The following GALNTL6 variants were observed in gnomAD, a reference collection of about 807,000 sequenced individuals.
GALNTL6 encodes polypeptide N-acetylgalactosaminyltransferase-like 6.
In GALNTL6, 46 loss-of-function variants were observed where a neutral mutation model predicts 73.7. The ratio of observed to expected loss-of-function variants is 0.62; its 90% CI spans 0.49 to 0.80. The LOEUF (loss-of-function observed/expected upper bound fraction) is 0.80, where lower values mean the gene tolerates loss of function less well. Ranked by LOEUF, GALNTL6 falls within the 30% of genes least tolerant of loss-of-function variation. The pLI is 0.00. For missense variants in GALNTL6, 604 were observed against 755.0 expected, an observed-to-expected ratio of 0.80 and a Z score of 2.34; for synonymous variants, 259 against 263.7, an observed-to-expected ratio of 0.98 and a Z score of 0.17.
At position 172,506,126 on chromosome 4, in the gene GALNTL6, A is replaced by G. The variant is rs1409749213; in HGVS notation, c.553+157437A>G. On this transcript the variant is annotated intron_variant, in intron 5 of 12. Transcript: ENST00000506823. ...GATTATAGTTCCCCTTAACTGCTAT[A>G]TGGATAACAACCTGAACATTACGAG... Among the ~76,000 whole-genome samples the G allele has an allele frequency of 3.7e-5, 2 of 54,362 alleles. 1 individual carries two copies. Among genetic ancestry groups the G allele is most frequent in the African/African-American group, 9.2e-5 (2 of 21,650 alleles). 35.7% of individuals were successfully genotyped at this position (54,362 alleles called of 152,430 possible).
chr4:172,845,384 T>C (rs1441739082), intron 7 of GALNTL6, among the ~76,000 whole-genome samples: 1 of 152,058 alleles, frequency 6.6e-6, no homozygotes, highest in Admixed American at 6.5e-5. Flanking sequence ...TGTGCACTAC[T>C]CTTATGTAGA....
At chr4:172,265,611 A>G (rs1460466454) in intron 3 of GALNTL6, among the ~76,000 whole-genome samples, 1 of 152,132 alleles carries the variant, frequency 6.6e-6, no homozygotes, top group East Asian at 1.9e-4. Context: ...AGAAATCTTT[A>G]TGATATATTA....
intron 5 of GALNTL6, among the ~76,000 whole-genome samples, chr4:172,375,938 G>T (rs900259904): frequency 1.3e-5 from 2 of 152,160 alleles, no homozygotes; most frequent in Admixed American, 1.3e-4. Flanking sequence ...GGAGGGAAGG[G>T]ATCTCCAGAG....
At chr4:172,779,133 C>T (rs1739239531) in intron 5 of GALNTL6, among the ~76,000 whole-genome samples, 1 of 152,070 alleles carries the variant, frequency 6.6e-6, no homozygotes, top group African/African-American at 2.4e-5. Context: ...ACAGGGGTAC[C>T]TAGGACATAG....
chr4:173,011,204 A>G (rs986042062), intron 11 of GALNTL6, among the ~76,000 whole-genome samples: 1 of 152,204 alleles, frequency 6.6e-6, no homozygotes, highest in Non-Finnish European at 1.5e-5. Flanking sequence ...TAATCAAATT[A>G]TTAGGTTTTT....
intron 5 of GALNTL6, among the ~76,000 whole-genome samples, chr4:172,689,067 C>T (rs989672236): frequency 3.9e-5 from 6 of 152,058 alleles, no homozygotes. Context: ...TTAAACATGT[C>T]CCAGTATGCT....
intron 5 of GALNTL6, among the ~76,000 whole-genome samples, chr4:172,428,709 G>C (rs1188705675): frequency 6.6e-6 from 1 of 152,018 alleles, no homozygotes; most frequent in Non-Finnish European, 1.5e-5. Context: ...ATTTTAATTT[G>C]AAAAACTGAA....
At chr4:172,559,036 A>G (rs976265879) in intron 5 of GALNTL6, among the ~76,000 whole-genome samples, 3 of 144,676 alleles carry the variant, frequency 2.1e-5, no homozygotes, top group Non-Finnish European at 3.0e-5. Context: ...ATAAGTGGTA[A>G]GGATGATGAT....
At chr4:172,066,941 AC>A (rs1731382824) in intron 2 of GALNTL6, among the ~76,000 whole-genome samples, 9 of 151,982 alleles carry the variant, frequency 5.9e-5, no homozygotes, top group Admixed American at 5.9e-4. Flanking sequence ...TTGAATGAAA[AC>A]TTTTTGGACT....
At chr4:172,596,460 G>GA (rs35054572) in intron 5 of GALNTL6, among the ~76,000 whole-genome samples, 71,128 of 140,184 alleles carry the variant, frequency 0.51, 18,073 homozygotes, top group East Asian at 0.71. Flanking sequence ...AAAAAAAAAA[G>GA]AAAAAAAAAA....
At chr4:172,516,221 A>G (rs1734602805) in intron 5 of GALNTL6, among the ~76,000 whole-genome samples, 1 of 152,156 alleles carries the variant, frequency 6.6e-6, no homozygotes, top group Non-Finnish European at 1.5e-5. Context: ...AGCACTTTGT[A>G]AAAAACATCT....
intron 5 of GALNTL6, among the ~76,000 whole-genome samples, chr4:172,609,835 T>C (rs907871949): frequency 1.3e-5 from 2 of 151,996 alleles, no homozygotes; most frequent in East Asian, 3.9e-4. Flanking sequence ...ATTTTTTTTT[T>C]GGTTGTAGAA....
intron 5 of GALNTL6, among the ~76,000 whole-genome samples, chr4:172,790,477 A>C (rs1462434424): frequency 2.6e-5 from 4 of 152,342 alleles, no homozygotes; most frequent in South Asian, 2.1e-4. Context: ...CCTGTGAGCC[A>C]GAAAGAAGGA....
intron 2 of GALNTL6, among the ~76,000 whole-genome samples, chr4:172,081,758 A>G (rs1191524367): frequency 2.0e-5 from 3 of 152,246 alleles, no homozygotes; most frequent in African/African-American, 7.2e-5. Flanking sequence ...ATGCATATAC[A>G]ACAGCCATAC....
chr4:172,903,635 G>C (rs1746737599), intron 8 of GALNTL6, among the ~76,000 whole-genome samples: 1 of 151,642 alleles, frequency 6.6e-6, no homozygotes. Flanking sequence ...TTTTGCACTT[G>C]AGCCCAGTAA....
chr4:173,010,278 C>A (rs965667153), intron 11 of GALNTL6, among the ~76,000 whole-genome samples: 1 of 152,146 alleles, frequency 6.6e-6, no homozygotes, highest in Non-Finnish European at 1.5e-5. Flanking sequence ...TCTTTCCATA[C>A]CTGGCTTATT....
At chr4:172,380,188 C>G in intron 5 of GALNTL6, 1 of 1,019,556 alleles carries the variant, frequency 9.8e-7, no homozygotes, top group Non-Finnish European at 1.6e-6. Context: ...CTGTGCGGAT[C>G]TGCAGGGCTG....
intron 2 of GALNTL6, among the ~76,000 whole-genome samples, chr4:171,986,342 G>T (rs182337098): frequency 3.9e-5 from 6 of 152,246 alleles, no homozygotes; most frequent in Non-Finnish European, 7.4e-5. Flanking sequence ...TTTGAGCCAG[G>T]ATGACCCAGG....
intron 2 of GALNTL6, among the ~76,000 whole-genome samples, chr4:171,876,210 T>C (rs1736274120): frequency 6.6e-6 from 1 of 152,136 alleles, no homozygotes; most frequent in Non-Finnish European, 1.5e-5. Flanking sequence ...TCATGTGCTA[T>C]GGAACAGATT....
Sources: allele counts gnomAD v4.1 joint callset (sites outside exome capture counted in the v4.1 genomes callset), GRCh38; gene constraint gnomAD v4.1.1; transcripts MANE v1.5; gene names NCBI Gene and HGNC (gene_info 2026-07-23, HGNC 2026-07-21).